Variants in LRPPRC observed in about 807,000 individuals in gnomAD.
LRPPRC encodes leucine-rich PPR motif-containing protein, mitochondrial.
LRPPRC carries 120 observed loss-of-function variants against 180.3 expected under a neutral mutation model. The observed-to-expected ratio is 0.67, with a 90% CI of 0.57 to 0.77. LRPPRC has a LOEUF of 0.77. Among genes scored for constraint, LRPPRC ranks in the 30% least tolerant of loss-of-function variants. The pLI is 0.00. For missense variants in LRPPRC, 2,012 were observed against 1,657.2 expected (o/e 1.21, Z -3.72); for synonymous variants, 723 against 600.0 (o/e 1.21, Z -3.00).
rs901723018 is a variant in LRPPRC, at chr2:43,898,441, AAC to A, written c.3825+776_3825+777del. 6.1e-4 allele frequency among the ~76,000 whole-genome samples: 93 copies of A among 152,336 alleles called. 2 individuals are homozygous for A. The highest frequency in any genetic ancestry group is 2.0e-3 in the African/African-American group (84 of 41,578). ...CAATTTGACACAGGGAGTCTACACAAACACAGCCGTTGGCGGGATCACGGTGA... is the reference window on the plus strand; with the variant it reads ...CAATTTGACACAGGGAGTCTACACAAACAGCCGTTGGCGGGATCACGGTGA... On this transcript the variant is annotated intron_variant, in intron 34 of 37. Coordinates refer to ENST00000260665, the MANE Select transcript of LRPPRC (RefSeq NM_133259.4).
At chr2:43,994,893 T>C (rs1674954193) in intron 1 of LRPPRC, among the ~76,000 whole-genome samples, 1 of 152,234 alleles carries the variant, frequency 6.6e-6, no homozygotes. Flanking sequence ...GAGTTTAACT[T>C]GCCTTTGCAT....
chr2:43,975,107 A>G lies in LRPPRC; in HGVS notation c.848T>C (p.Ile283Thr), dbSNP rs1219747182. Reference sequence around the variant, plus strand: ...AAGTCATACCTGCTTAACATGGTCAATGTCGCCCTTCTCAGCATATGCATT... The same window carrying G: ...AAGTCATACCTGCTTAACATGGTCAGTGTCGCCCTTCTCAGCATATGCATT... ...LLNAYAEKGD[I>T]DHVKQTLEKV... The change falls in exon 7 of 38, where the codon ATT becomes ACT. Residue 283 changes from isoleucine to threonine, a missense_variant. Coordinates refer to ENST00000260665, the MANE Select transcript of LRPPRC (RefSeq NM_133259.4). 1 of 1,613,188 alleles carries G rather than the reference A, an allele frequency of 6.2e-7. No homozygotes were observed. Among genetic ancestry groups the G allele is most frequent in the Non-Finnish European group, 8.5e-7 (1 of 1,179,872 alleles).
At position 43,899,258 on chromosome 2, in the gene LRPPRC, C is replaced by T; in HGVS notation, c.3786G>A (p.Val1262=). The change falls in exon 34 of 38, where the codon GTG becomes GTA. Residue 1262 remains valine (V), a synonymous_variant. Transcript: ENST00000260665. ...TGGCATCATCCACCTTGCCTGCATC[C>T]ACAAGTTGAAGGAAAAAATCAGTGA... The part of the protein sequence containing the change: ...KPVTDFFLQL[V]DAGKVDDARA... 6.2e-7 allele frequency: 1 copy of T among 1,614,060 alleles called. No individual in the cohort carries two copies. Among genetic ancestry groups the T allele is most frequent in the Non-Finnish European group, 8.5e-7 (1 of 1,179,988 alleles).
chr2:43,943,689 T>G lies in LRPPRC; in HGVS notation c.2502A>C (p.Glu834Asp). ...ISFPLVTVHL[E>D]KGDLSTALEV... ...AATTCAAAATTCAATTAACTTACTT[T>G]TCCAAGTGTACAGTGACCAATGGGA... Residue 834 changes from glutamate to aspartate, a missense_variant and splice_region_variant, in exon 23 of 38, where the codon GAA (glutamate) becomes GAC (aspartate). Physicochemically the swap from Glu to Asp is conservative, Grantham distance 45. Transcript: ENST00000260665. The G allele has an allele frequency of 6.2e-7, 1 of 1,611,768 alleles. No individual in the cohort carries two copies. The highest frequency in any genetic ancestry group is 1.3e-5 in the African/African-American group (1 of 74,994).
rs1672719175 is a variant in LRPPRC at position 43,947,257 on chromosome 2, C to T, written c.2079G>A (p.Glu693=). 19 of 1,467,706 alleles carry T rather than the reference C, an allele frequency of 1.3e-5. No homozygotes were observed. Among genetic ancestry groups the T allele is most frequent in the Non-Finnish European group, 1.8e-5 (19 of 1,056,632 alleles). The allele number at this position is 1,467,706 out of a possible 1,614,324, so 90.9% of individuals were successfully genotyped here. Residue 693 remains glutamate, a splice_region_variant and synonymous_variant, in exon 20 of 38, where the codon GAG becomes GAA. Transcript: ENST00000260665. ...ATTTAAATATTAAAACAAATGTTAC[C>T]TCTTCTGAACAAAGCACTAATATGA... ...KQLILVLCSE[E]NMQKALELKA... is the part of the protein sequence containing the mutation.
intron 14 of LRPPRC, among the ~76,000 whole-genome samples, chr2:43,951,850 A>T (rs1040045213): frequency 2.6e-5 from 4 of 152,170 alleles, no homozygotes; most frequent in African/African-American, 9.7e-5. Flanking sequence ...TATTTTTAAA[A>T]TTTACTTTAA....
At chr2:43,947,130 T>C (rs1486410751) in intron 20 of LRPPRC, 127 bp downstream of exon 20, 6 of 578,356 alleles carry the variant, frequency 1.0e-5, no homozygotes, top group South Asian at 2.2e-5. Context: ...TTTCATTTAA[T>C]TGCATTCTTT....
chr2:43,989,234 C>G (rs1228771344), intron 1 of LRPPRC, among the ~76,000 whole-genome samples: 1 of 152,186 alleles, frequency 6.6e-6, no homozygotes, highest in Non-Finnish European at 1.5e-5. Flanking sequence ...AAACTTTTGA[C>G]AAATTTAGCT....
At chr2:43,975,019 T>A (rs1673988788) in intron 7 of LRPPRC, 72 bp downstream of exon 7, 3 of 1,484,960 alleles carry the variant, frequency 2.0e-6, no homozygotes, top group Non-Finnish European at 2.8e-6. Flanking sequence ...TTCACTTTCC[T>A]GCCTCATGTA....
chr2:43,973,203 T>C (rs1673894759), intron 11 of LRPPRC, among the ~76,000 whole-genome samples: 1 of 152,220 alleles, frequency 6.6e-6, no homozygotes. Flanking sequence ...AGAAATAGAT[T>C]GGCCCACAAA....
At chr2:43,937,004 C>T (rs185912777) in intron 23 of LRPPRC, among the ~76,000 whole-genome samples, 5,263 of 150,874 alleles carry the variant, frequency 0.035, 103 homozygotes, top group Admixed American at 0.056. Context: ...AACACACATA[C>T]GATTTTTTTT....
rs575688854 is a variant in LRPPRC, at chr2:43,981,510, T to C, written c.346+728A>G. 2.6e-5 allele frequency among the ~76,000 whole-genome samples: 4 copies of C among 151,966 alleles called. No homozygotes were observed. In the South Asian group the frequency reaches 8.3e-4, roughly 32 times the overall value. On this transcript the variant is annotated intron_variant, in intron 2 of 37. Coordinates refer to ENST00000260665, the MANE Select transcript of LRPPRC (RefSeq NM_133259.4). ...CCCGTCCCTACTAAAAATACAAAAATTAGCTGGGCAGTGGCATGCATCGGT... is the reference window on the plus strand; with the variant it reads ...CCCGTCCCTACTAAAAATACAAAAACTAGCTGGGCAGTGGCATGCATCGGT...
chr2:43,971,363 G>C (rs527251842), intron 11 of LRPPRC, among the ~76,000 whole-genome samples: 1 of 151,044 alleles, frequency 6.6e-6, no homozygotes, highest in Non-Finnish European at 1.5e-5. Flanking sequence ...CCATGAGGAA[G>C]TAATTATAAA....
intron 35 of LRPPRC, 109 bp downstream of exon 35, chr2:43,896,525 T>C (rs918986745): frequency 5.9e-5 from 42 of 715,942 alleles, no homozygotes; most frequent in African/African-American, 7.7e-5. Context: ...TGAATCTCTA[T>C]AGTATTCTCA....
intron 22 of LRPPRC, among the ~76,000 whole-genome samples, chr2:43,944,937 C>A (rs2105079849): frequency 6.6e-6 from 1 of 152,158 alleles, no homozygotes; most frequent in Non-Finnish European, 1.5e-5. Flanking sequence ...AATTCAGGCG[C>A]ATATATTAGG....
chr2:43,991,718 A>G (rs1349953152), intron 1 of LRPPRC, among the ~76,000 whole-genome samples: 1 of 152,234 alleles, frequency 6.6e-6, no homozygotes, highest in African/African-American at 2.4e-5. Context: ...ATGAAGAGCA[A>G]GACCACATAT....
At chr2:43,983,041 T>C (rs1427687274) in intron 1 of LRPPRC, among the ~76,000 whole-genome samples, 1 of 152,222 alleles carries the variant, frequency 6.6e-6, no homozygotes, top group African/African-American at 2.4e-5. Flanking sequence ...TGTGCAACTG[T>C]CAAAATGTTA....
At chr2:43,890,316 T>A (rs1314155758) in intron 36 of LRPPRC, 5 of 467,408 alleles carry the variant, frequency 1.1e-5, no homozygotes, top group Admixed American at 7.3e-5. Flanking sequence ...GAAATCTACA[T>A]CAACATCAAG....
At chr2:43,921,429 T>C (rs1671695945) in intron 27 of LRPPRC, among the ~76,000 whole-genome samples, 1 of 152,220 alleles carries the variant, frequency 6.6e-6, no homozygotes. Context: ...AGCAAGTATT[T>C]TTCTTGTGAA....
Sources: gnomAD v4.1 joint callset for allele counts (sites outside exome capture counted in the v4.1 genomes callset) on GRCh38, gnomAD v4.1.1 for gene constraint, MANE v1.5 for transcripts, NCBI Gene and HGNC (gene_info 2026-07-23, HGNC 2026-07-21) for gene names.